The following PTPRK variants were observed in gnomAD, a reference collection of about 807,000 sequenced individuals.
PTPRK encodes protein tyrosine phosphatase receptor type K, also known as receptor-type tyrosine-protein phosphatase kappa.
Under a neutral mutation model 178.0 loss-of-function variants are expected in PTPRK, and 75 were observed. The ratio of observed to expected loss-of-function variants is 0.42; its 90% CI spans 0.35 to 0.51. PTPRK has a LOEUF of 0.51. PTPRK is among the 20% of genes least tolerant of loss of function. The pLI is 0.02. For missense variants in PTPRK, 1,441 were observed against 1,797.8 expected (o/e 0.80, Z 3.59); for synonymous variants, 637 against 620.6 (o/e 1.03, Z -0.39).
intron 13 of PTPRK, among the ~76,000 whole-genome samples, chr6:128,053,124 C>T (rs1779307767): frequency 6.7e-6 from 1 of 150,202 alleles, no homozygotes; most frequent in Non-Finnish European, 1.5e-5. Flanking sequence ...TGCTCCCAGG[C>T]TGTCTCAGTG....
chr6:128,325,493 A>T (rs951816741), intron 2 of PTPRK, among the ~76,000 whole-genome samples: 1 of 152,156 alleles, frequency 6.6e-6, no homozygotes, highest in Non-Finnish European at 1.5e-5. Flanking sequence ...AAACAAACCC[A>T]TCAAAAAGTG....
chr6:128,479,184 C>G (rs75719827), intron 1 of PTPRK, among the ~76,000 whole-genome samples: 2 of 152,084 alleles, frequency 1.3e-5, no homozygotes, highest in Non-Finnish European at 2.9e-5. Flanking sequence ...GCCCAGTTCA[C>G]TAGGGCTTTA....
chr6:127,995,120 A>G (rs910046901), intron 18 of PTPRK: 1 of 903,020 alleles, frequency 1.1e-6, no homozygotes, highest in African/African-American at 1.7e-5. Flanking sequence ...GAACAGAGAT[A>G]TATTGTATGA....
intron 6 of PTPRK, among the ~76,000 whole-genome samples, chr6:128,214,088 T>C (rs1034433038): frequency 6.6e-6 from 1 of 152,172 alleles, no homozygotes; most frequent in African/African-American, 2.4e-5. Flanking sequence ...AATTTCTTCA[T>C]GTAAATATTG....
intron 16 of PTPRK, among the ~76,000 whole-genome samples, chr6:127,997,202 A>G (rs1777258356): frequency 6.6e-6 from 1 of 152,126 alleles, no homozygotes; most frequent in Admixed American, 6.5e-5. Context: ...AAAGACAAAA[A>G]AATAACTTTA....
At chr6:128,195,204 C>T (rs1446984933) in intron 6 of PTPRK, among the ~76,000 whole-genome samples, 1 of 151,910 alleles carries the variant, frequency 6.6e-6, no homozygotes, top group Non-Finnish European at 1.5e-5. Context: ...TTTTGTGACA[C>T]TTAGTTGTAA....
chr6:128,115,395 T>C (rs1212999574), intron 7 of PTPRK, among the ~76,000 whole-genome samples: 2 of 145,416 alleles, frequency 1.4e-5, no homozygotes, highest in East Asian at 4.2e-4. Flanking sequence ...TTCCCACACA[T>C]GTCTCCTTGG....
intron 13 of PTPRK, among the ~76,000 whole-genome samples, chr6:128,048,881 C>G (rs984092069): frequency 3.9e-5 from 6 of 152,096 alleles, no homozygotes; most frequent in African/African-American, 1.4e-4. Flanking sequence ...TGTGTTTGGT[C>G]TATTTCCTTC....
intron 11 of PTPRK, among the ~76,000 whole-genome samples, chr6:128,076,363 G>A (rs1239062507): frequency 6.6e-6 from 1 of 151,970 alleles, no homozygotes; most frequent in Non-Finnish European, 1.5e-5. Context: ...GAGGGTAAAG[G>A]AGGCAGGGCT....
chr6:128,316,866 G>A (rs1466852911), intron 3 of PTPRK, among the ~76,000 whole-genome samples: 5 of 151,778 alleles, frequency 3.3e-5, no homozygotes, highest in Admixed American at 6.6e-5. Flanking sequence ...ACAGGCACCC[G>A]CCACCATGCC....
rs1319051928 is a variant in PTPRK, at chr6:128,290,916, T to A, written c.495+31123A>T. Among the ~76,000 whole-genome samples the A allele has an allele frequency of 1.3e-5, 2 of 152,216 alleles. 1 individual carries two copies. Among genetic ancestry groups the A allele is most frequent in the Middle Eastern group, 6.8e-3 (2 of 294 alleles). On this transcript the variant is annotated intron_variant, in intron 3 of 29. Coordinates refer to ENST00000368226, the MANE Select transcript of PTPRK (RefSeq NM_002844.4). ...CATTTAATATACTTTATCTTTTTTT[T>A]GCTGTTAATCTTCAGAACAGTCTCA...
At chr6:128,291,254 G>T (rs1823338507) in intron 3 of PTPRK, among the ~76,000 whole-genome samples, 1 of 152,090 alleles carries the variant, frequency 6.6e-6, no homozygotes, top group African/African-American at 2.4e-5. Flanking sequence ...GACAGAAGGG[G>T]CCATAAGCTA....
At chr6:128,498,066 A>G (rs1219542365) in intron 1 of PTPRK, among the ~76,000 whole-genome samples, 2 of 152,204 alleles carry the variant, frequency 1.3e-5, no homozygotes, top group Admixed American at 6.5e-5. Context: ...AAAGCAAAAA[A>G]ACAATTAATT....
In PTPRK at chr6:128,140,557, T is replaced by C. The variant is rs772559010; in HGVS notation, c.1162+43875A>G. On this transcript the variant is annotated intron_variant, in intron 7 of 29. Coordinates refer to ENST00000368226, the MANE Select transcript of PTPRK (RefSeq NM_002844.4). ...CATTGACTACTGATCTGTACGTAGG[T>C]AATTTCCCAAAAATTTATAGAAAAA... Among the ~76,000 whole-genome samples the C allele has an allele frequency of 2.0e-5, 3 of 152,132 alleles. No homozygotes were observed. The East Asian group carries it at 5.8e-4, about 29-fold the overall frequency.
At chr6:128,331,305 C>T (rs2128325814) in intron 2 of PTPRK, among the ~76,000 whole-genome samples, 1 of 152,196 alleles carries the variant, frequency 6.6e-6, no homozygotes, top group Non-Finnish European at 1.5e-5. Flanking sequence ...CAAAATATAC[C>T]ATATCTGTCT....
chr6:128,232,512 T>C (rs1430742862), intron 5 of PTPRK, among the ~76,000 whole-genome samples: 2 of 152,208 alleles, frequency 1.3e-5, no homozygotes, highest in African/African-American at 4.8e-5. Flanking sequence ...CAGCTCATTG[T>C]AGTTTTCAAC....
intron 1 of PTPRK, among the ~76,000 whole-genome samples, chr6:128,500,243 G>A (rs1219516742): frequency 6.6e-6 from 1 of 152,090 alleles, no homozygotes; most frequent in Non-Finnish European, 1.5e-5. Context: ...ATCTTTATCA[G>A]GCCCTGCTGA....
chr6:128,448,341 CA>C (rs907079931), intron 1 of PTPRK, among the ~76,000 whole-genome samples: 3 of 152,028 alleles, frequency 2.0e-5, no homozygotes, highest in African/African-American at 7.2e-5. Flanking sequence ...TATATAATTC[CA>C]ACTGTTTAGC....
chr6:128,200,564 A>C (rs1298500962), intron 6 of PTPRK, among the ~76,000 whole-genome samples: 1 of 151,776 alleles, frequency 6.6e-6, no homozygotes, highest in Non-Finnish European at 1.5e-5. Flanking sequence ...TGACTCTATG[A>C]AATATAAAGA....
Sources: gnomAD v4.1 joint callset for allele counts (sites outside exome capture counted in the v4.1 genomes callset) on GRCh38, gnomAD v4.1.1 for gene constraint, MANE v1.5 for transcripts, NCBI Gene and HGNC (gene_info 2026-07-23, HGNC 2026-07-21) for gene names.